The following TENT2 variants were observed in gnomAD, a reference collection of about 807,000 sequenced individuals.
TENT2 encodes the protein poly(A) RNA polymerase GLD2.
In TENT2, 44 loss-of-function variants were observed where a neutral mutation model predicts 72.2. That is an observed-to-expected ratio of 0.61 (90% CI 0.48 to 0.78). The LOEUF (loss-of-function observed/expected upper bound fraction) is 0.78. TENT2 is among the 30% of genes least tolerant of loss of function. The pLI, the probability that TENT2 is intolerant of heterozygous loss-of-function variation, is 0.00. For missense variants in TENT2, 541 were observed against 569.6 expected (o/e 0.95, Z 0.51); for synonymous variants, 212 against 192.5 (o/e 1.10, Z -0.84).
rs551825192 is a variant in TENT2, at chr5:79,686,107, G to A, written c.*834G>A. On this transcript the variant is annotated 3_prime_UTR_variant, in exon 15 of 15. Coordinates refer to ENST00000453514, the MANE Select transcript of TENT2 (RefSeq NM_001114394.3). ...TGCTCTGTTTTCTCTGTGACATGAA[G>A]CAACAGAAACTGAGATCAAAGTTAA... is the stretch of plus-strand genomic sequence containing the variant. The A allele has an allele frequency of 1.3e-5, 2 of 152,592 alleles. No homozygotes were observed. Among genetic ancestry groups the A allele is most frequent in the South Asian group, 2.1e-4 (1 of 4,814 alleles). 9.5% of individuals were successfully genotyped at this position (152,592 alleles called of 1,614,324 possible). A position where few individuals can be genotyped will look rare whatever the true frequency, so the allele number is the denominator to read the frequency against.
At position 79,619,644 on chromosome 5, in the gene TENT2, A is replaced by C. The variant is rs779642179; in HGVS notation, c.-5A>C. ...AATACATGTTCACTTCCAGTGAACAAGAGCATGTTCCCAAACTCAATTTTG... is the reference window on the plus strand; with the variant it reads ...AATACATGTTCACTTCCAGTGAACACGAGCATGTTCCCAAACTCAATTTTG... On this transcript the variant is annotated 5_prime_UTR_variant, in exon 2 of 15. Transcript: ENST00000453514. The C allele has an allele frequency of 6.2e-6, 10 of 1,608,892 alleles. No individual in the cohort carries two copies. In the South Asian group the frequency reaches 1.1e-4, roughly 18 times the overall value.
chr5:79,641,363 T>C (rs1387050505), intron 6 of TENT2, among the ~76,000 whole-genome samples, 167 bp downstream of exon 6: 1 of 151,986 alleles, frequency 6.6e-6, no homozygotes, highest in Admixed American at 6.6e-5. Context: ...TTAAGGCATG[T>C]GCACAATAAG....
intron 10 of TENT2, among the ~76,000 whole-genome samples, chr5:79,655,119 T>C (rs1411151240): frequency 6.6e-6 from 1 of 152,180 alleles, no homozygotes; most frequent in Non-Finnish European, 1.5e-5. Flanking sequence ...TTCCAGAATT[T>C]ACATTGCTTG....
intron 10 of TENT2, among the ~76,000 whole-genome samples, chr5:79,649,623 A>T (rs901682995): frequency 1.8e-4 from 27 of 152,050 alleles, no homozygotes; most frequent in African/African-American, 6.3e-4. Context: ...ACTAGATTTT[A>T]TCTTCATAGG....
At chr5:79,638,438 G>C (rs1481602026) in intron 4 of TENT2, among the ~76,000 whole-genome samples, 1 of 151,986 alleles carries the variant, frequency 6.6e-6, no homozygotes, top group Non-Finnish European at 1.5e-5. Context: ...TTCTCTTCCT[G>C]GCAGTTTCTG....
Position 79,612,890 on chromosome 5 carries a change from C to T in TENT2, c.-223C>T, listed in dbSNP as rs898875016. Reference sequence around the variant, plus strand: ...TGCGTGGGAGGTTCCAGCAGTATCTCTTGGTTATTCCAAATTTATGGGCGG... The same window carrying T: ...TGCGTGGGAGGTTCCAGCAGTATCTTTTGGTTATTCCAAATTTATGGGCGG... On this transcript the variant is annotated 5_prime_UTR_variant, in exon 1 of 15. Coordinates refer to ENST00000453514, the MANE Select transcript of TENT2 (RefSeq NM_001114394.3). The T allele has an allele frequency of 6.6e-6, 1 of 152,264 alleles. No individual in the cohort carries two copies. The highest frequency in any genetic ancestry group is 2.4e-5 in the African/African-American group (1 of 41,434). 9.4% of individuals were successfully genotyped at this position (152,264 alleles called of 1,614,324 possible).
At chr5:79,637,637 G>C (rs1366772491) in intron 4 of TENT2, among the ~76,000 whole-genome samples, 2 of 152,012 alleles carry the variant, frequency 1.3e-5, no homozygotes. Context: ...ATGTTACCAA[G>C]GCTTGTCTCG....
At chr5:79,672,249 CATA>C (rs1189477838) in intron 12 of TENT2, among the ~76,000 whole-genome samples, 1 of 152,282 alleles carries the variant, frequency 6.6e-6, no homozygotes, top group Non-Finnish European at 1.5e-5. Flanking sequence ...GCATACAGTG[CATA>C]ATAATCACAT....
rs1451889496 is a variant in TENT2, at chr5:79,612,700, A to C, written c.-413A>C. ...GAGAAAGCTACGACCAAGTACGCCCAGCTCGGGCCTTAGAACTTCTGAACG... is the reference window on the plus strand; with the variant it reads ...GAGAAAGCTACGACCAAGTACGCCCCGCTCGGGCCTTAGAACTTCTGAACG... On this transcript the variant is annotated 5_prime_UTR_variant, in exon 1 of 15. Transcript: ENST00000453514. 6.5e-6 allele frequency: 1 copy of C among 152,714 alleles called. No individual in the cohort carries two copies. The highest frequency in any genetic ancestry group is 2.4e-5 in the African/African-American group (1 of 41,446). The allele number at this position is 152,714 out of a possible 1,614,324, so 9.5% of individuals were successfully genotyped here.
Position 79,679,570 on chromosome 5 carries a change from T to G in TENT2, c.1209-9T>G, listed in dbSNP as rs771676263. The G allele has an allele frequency of 3.2e-6, 5 of 1,571,614 alleles. No individual in the cohort carries two copies. The African/African-American group carries it at 4.1e-5, about 13-fold the overall frequency. ...ATAGTTAACATGGTTACTGTTTTTC[T>G]TCTTATAGCTGGAATAGTCAAATGA... On this transcript the variant is annotated splice_polypyrimidine_tract_variant and intron_variant, in intron 12 of 14. Transcript: ENST00000453514.
chr5:79,681,908 G>T, intron 13 of TENT2, 74 bp from the exon 14 acceptor site: 1 of 1,238,184 alleles, frequency 8.1e-7, no homozygotes, highest in Non-Finnish European at 1.1e-6. Context: ...CATATTGACA[G>T]TATCAAACCT....
In TENT2 at chr5:79,648,605, T is replaced by A; in HGVS notation, c.822-12T>A. ...CTAAAGTTTATTTATTTATTTATTTTTTCTTAAATAGTTGTGTGGAGTTTG... is the reference window on the plus strand; with the variant it reads ...CTAAAGTTTATTTATTTATTTATTTATTCTTAAATAGTTGTGTGGAGTTTG... On this transcript the variant is annotated splice_polypyrimidine_tract_variant and intron_variant, in intron 8 of 14. Transcript: ENST00000453514. 1 of 1,506,998 alleles carries A rather than the reference T, an allele frequency of 6.6e-7. No homozygotes were observed. The highest frequency in any genetic ancestry group is 9.0e-7 in the Non-Finnish European group (1 of 1,112,156). The allele number at this position is 1,506,998 out of a possible 1,614,324, so 93.4% of individuals were successfully genotyped here. A position where few individuals can be genotyped will look rare whatever the true frequency, so the allele number is the denominator to read the frequency against.
rs112344834 is a variant in TENT2 at position 79,645,083 on chromosome 5, G to A, written c.752-40G>A. On this transcript the variant is annotated intron_variant, in intron 7 of 14. Coordinates refer to ENST00000453514, the MANE Select transcript of TENT2 (RefSeq NM_001114394.3). ...GTGCGTTGGAACACTGTGAATTCTA[G>A]AAACATTTGCAGCTATTCACATTAT... 1.6e-4 allele frequency: 240 copies of A among 1,513,688 alleles called. 3 individuals are homozygous for A. The African/African-American group carries it at 2.8e-3, about 17-fold the overall frequency. The allele number at this position is 1,513,688 out of a possible 1,614,324, so 93.8% of individuals were successfully genotyped here.
At chr5:79,629,048 C>G (rs1209071028) in intron 4 of TENT2, among the ~76,000 whole-genome samples, 3 of 152,094 alleles carry the variant, frequency 2.0e-5, no homozygotes, top group Non-Finnish European at 4.4e-5. Context: ...AAAGGAAATA[C>G]ACCAGCACAG....
At chr5:79,655,449 A>G (rs1797229930) in intron 10 of TENT2, among the ~76,000 whole-genome samples, 1 of 152,060 alleles carries the variant, frequency 6.6e-6, no homozygotes, top group Non-Finnish European at 1.5e-5. Context: ...TCTTCTCTTC[A>G]TCCTTTGTTT....
At chr5:79,624,786 A>G (rs1768047997) in intron 4 of TENT2, among the ~76,000 whole-genome samples, 1 of 152,162 alleles carries the variant, frequency 6.6e-6, no homozygotes, top group Non-Finnish European at 1.5e-5. Flanking sequence ...AATATACATC[A>G]CTTTGTTAAT....
intron 12 of TENT2, among the ~76,000 whole-genome samples, chr5:79,671,523 GC>G (rs780667851): frequency 8.4e-4 from 127 of 151,674 alleles, no homozygotes; most frequent in Non-Finnish European, 1.0e-3. Context: ...TCCTGCCTCA[GC>G]CTCCTGAGTA....
chr5:79,645,260 A>G, intron 8 of TENT2, 68 bp downstream of exon 8: 1 of 1,196,156 alleles, frequency 8.4e-7, no homozygotes, highest in Non-Finnish European at 1.2e-6. Flanking sequence ...TCTGATAAAG[A>G]TAATTAAGAA....
chr5:79,618,350 C>T (rs1762087125), intron 1 of TENT2, among the ~76,000 whole-genome samples: 1 of 152,118 alleles, frequency 6.6e-6, no homozygotes, highest in African/African-American at 2.4e-5. Context: ...CCTCAGCCTC[C>T]TGTGTAGCTG....
Sources: allele counts gnomAD v4.1 joint callset (sites outside exome capture counted in the v4.1 genomes callset), GRCh38; gene constraint gnomAD v4.1.1; transcripts MANE v1.5; gene names NCBI Gene and HGNC (gene_info 2026-07-23, HGNC 2026-07-21).